MTCL1: variants seen among roughly 807,000 people sequenced by gnomAD.
MTCL1 encodes the protein microtubule cross-linking factor 1.
Under a neutral mutation model 141.4 loss-of-function variants are expected in MTCL1, and 79 were observed. The observed-to-expected ratio is 0.56, with a 90% CI of 0.47 to 0.67. The LOEUF (loss-of-function observed/expected upper bound fraction) is 0.67. Among genes scored for constraint, MTCL1 ranks in the 30% least tolerant of loss-of-function variants. The pLI is 0.00. For synonymous variants in MTCL1, 914 were observed against 875.8 expected, an observed-to-expected ratio of 1.04 and a Z score of -0.77; for missense variants, 2,177 against 2,113.9, an observed-to-expected ratio of 1.03 and a Z score of -0.59.
chr18:8,784,232 C>T lies in MTCL1; in HGVS notation c.1120C>T (p.His374Tyr). 1.2e-6 allele frequency: 2 copies of T among 1,609,336 alleles called. No homozygotes were observed. The highest frequency in any genetic ancestry group is 1.7e-6 in the Non-Finnish European group (2 of 1,176,454). Residue 374 changes from histidine (H) to tyrosine (Y), a missense_variant, in exon 6 of 17, where the codon CAC becomes TAC. By Grantham distance (83) the His-to-Tyr change is moderately conservative. Coordinates refer to ENST00000359865, the Ensembl canonical transcript of MTCL1. ...CATCCAGCGCTGCGACCTGGCAGCC[C>T]ACCTGGGGCTGCGTGCCCCCAGTCC...
intron 7 of MTCL1, among the ~76,000 whole-genome samples, chr18:8,788,334 T>A (rs1013295426): frequency 1.3e-5 from 2 of 151,840 alleles, no homozygotes; most frequent in African/African-American, 4.8e-5. Context: ...CCTTTAGCTC[T>A]CTGCCCGTAG....
intron 4 of MTCL1, among the ~76,000 whole-genome samples, chr18:8,727,895 C>CT (rs2096226722): frequency 7.0e-6 from 1 of 142,212 alleles, no homozygotes; most frequent in Admixed American, 7.2e-5. Flanking sequence ...TCCCTCCCTC[C>CT]CTCTCTCTCT....
At position 8,819,278 on chromosome 18, in the gene MTCL1, A is replaced by C. The variant is rs1469446575; in HGVS notation, c.3156+19A>C. ...CCCTGAGGTCAGCCAGGTTTTGTCC[A>C]TCCTAGTTAACCACTGTGGAATGAG... On this transcript the variant is annotated intron_variant, in intron 13 of 16. Transcript: ENST00000359865. The C allele has an allele frequency of 6.2e-7, 1 of 1,612,126 alleles. No homozygotes were observed. The highest frequency in any genetic ancestry group is 1.3e-5 in the African/African-American group (1 of 75,004).
At chr18:8,785,895 TA>T in intron 6 of MTCL1, 40 bp from the exon 6 acceptor site, 1 of 1,529,828 alleles carries the variant, frequency 6.5e-7, no homozygotes, top group Non-Finnish European at 8.8e-7. Flanking sequence ...TTTAAAATTT[TA>T]AAGAACAACA....
intron 4 of MTCL1, among the ~76,000 whole-genome samples, chr18:8,773,152 G>A (rs1310347330): frequency 6.6e-6 from 1 of 152,046 alleles, no homozygotes; most frequent in African/African-American, 2.4e-5. Flanking sequence ...ATAAATCTTG[G>A]TGCATGTCTC....
chr18:8,832,041 C>T, exon 17 of MTCL1: 1 of 571,468 alleles, frequency 1.7e-6, no homozygotes, highest in Non-Finnish European at 3.1e-6. Flanking sequence ...ATTTTTGTCT[C>T]CATCTTTTTT....
In MTCL1 at chr18:8,816,200, G is replaced by A. The variant is rs552634505; in HGVS notation, c.2860-2763G>A. Reference sequence around the variant, plus strand: ...CATTTAACTTTTAGCTACATACTCCGTAGATAAATGAGAGATGTAACTGAA... The same window carrying A: ...CATTTAACTTTTAGCTACATACTCCATAGATAAATGAGAGATGTAACTGAA... On this transcript the variant is annotated intron_variant, in intron 12 of 16. Transcript: ENST00000359865. Among the ~76,000 whole-genome samples the A allele has an allele frequency of 5.9e-5, 9 of 152,230 alleles. No individual in the cohort carries two copies. The South Asian group carries it at 8.3e-4, about 14-fold the overall frequency.
At chr18:8,785,858 C>CT in intron 6 of MTCL1, 78 bp from the exon 6 acceptor site, 1 of 1,509,280 alleles carries the variant, frequency 6.6e-7, no homozygotes, top group South Asian at 1.3e-5. Flanking sequence ...TGCCTCCACC[C>CT]TTGTCCTTTG....
intron 13 of MTCL1, among the ~76,000 whole-genome samples, chr18:8,821,234 G>C (rs1404160221): frequency 6.6e-6 from 1 of 152,134 alleles, no homozygotes; most frequent in Non-Finnish European, 1.5e-5. Flanking sequence ...CACTCATGTG[G>C]GCTTCTCCCT....
At position 8,828,145 on chromosome 18, in the gene MTCL1, T is replaced by C. The variant is rs1250342236; in HGVS notation, c.4723-763T>C. On this transcript the variant is annotated intron_variant, in intron 15 of 16. Coordinates refer to ENST00000359865, the Ensembl canonical transcript of MTCL1. This position sits in a 1 kb window ranked among gnomAD's most constrained non-coding sequence, Gnocchi z 5.2. The stretch of plus-strand genomic sequence containing the variant: ...AACCCCTTCCCATTGCTCCATGAAT[T>C]ATGCAGTAGTTCTCGGTATGCGTTC... Among the ~76,000 whole-genome samples the C allele has an allele frequency of 6.6e-6, 1 of 152,200 alleles. No individual in the cohort carries two copies. The highest frequency in any genetic ancestry group is 1.5e-5 in the Non-Finnish European group (1 of 68,026).
rs150423289 is a variant in MTCL1 at position 8,784,793 on chromosome 18, C to T, written c.1681C>T (p.Arg561Trp). ...CCTCTCCACTGTGACTTCCGTGTCC[C>T]GGGACTCCCCCATCGGGAACCTGGG... Residue 561 changes from arginine to tryptophan, a missense_variant, in exon 6 of 17, where the codon CGG (arginine) becomes TGG (tryptophan). Transcript: ENST00000359865. 3.3e-4 allele frequency: 532 copies of T among 1,610,920 alleles called. 1 individual carries two copies. The highest frequency in any genetic ancestry group is 1.2e-3 in the South Asian group (110 of 90,854).
chr18:8,756,405 GTGTGTATA>G (rs1166895050), intron 4 of MTCL1, among the ~76,000 whole-genome samples: 12 of 147,630 alleles, frequency 8.1e-5, no homozygotes, highest in Non-Finnish European at 1.2e-4. Flanking sequence ...ATGTATATAT[GTGTGTATA>G]TGTGTATATA....
At chr18:8,766,758 A>G (rs906846337) in intron 4 of MTCL1, among the ~76,000 whole-genome samples, 5 of 152,206 alleles carry the variant, frequency 3.3e-5, no homozygotes, top group Non-Finnish European at 7.3e-5. Flanking sequence ...AGGGCTGGGC[A>G]GGACAGAGCT....
chr18:8,770,640 T>G (rs2096481623), intron 4 of MTCL1, among the ~76,000 whole-genome samples: 1 of 152,068 alleles, frequency 6.6e-6, no homozygotes, highest in Non-Finnish European at 1.5e-5. Flanking sequence ...CATAGGAATT[T>G]GGGGAGACAC....
intron 7 of MTCL1, 35 bp downstream of exon 6, chr18:8,786,126 T>G (rs78974560): frequency 1.2e-4 from 63 of 519,344 alleles, no homozygotes; most frequent in Non-Finnish European, 1.8e-4. Context: ...CCCCCCGCCC[T>G]CCCCCTCCTT....
At chr18:8,752,079 G>A (rs950038970) in intron 4 of MTCL1, among the ~76,000 whole-genome samples, 1 of 152,170 alleles carries the variant, frequency 6.6e-6, no homozygotes, top group African/African-American at 2.4e-5. Context: ...AAGAAGGAGC[G>A]GGATGGAAAG....
rs1380475349 is a variant in MTCL1 at position 8,705,728 on chromosome 18, ACCACCG to A, written c.74_79del (p.Arg25_His26del). The stretch of plus-strand genomic sequence containing the variant: ...GCGAAGCTGCAGCCGCCCGGCCAGC[ACCACCG>A]CCACCACCACCTCCACCCGGTGGCC... On this transcript the variant is annotated inframe_deletion, in exon 1 of 14. Coordinates refer to the MTCL1 transcript ENST00000306329. The surrounding 1 kb of genome is among the most constrained non-coding windows in gnomAD (Gnocchi z 5.2). 2.7e-5 allele frequency: 33 copies of A among 1,204,576 alleles called. No homozygotes were observed. The Admixed American group carries it at 1.5e-3, about 53-fold the overall frequency. 74.6% of individuals were successfully genotyped at this position (1,204,576 alleles called of 1,614,324 possible). A position where few individuals can be genotyped will look rare whatever the true frequency, so the allele number is the denominator to read the frequency against.
At chr18:8,773,420 TTTA>T in intron 4 of MTCL1, among the ~76,000 whole-genome samples, 1 of 152,362 alleles carries the variant, frequency 6.6e-6, no homozygotes, top group East Asian at 1.9e-4. Context: ...GTTTGTTTAT[TTTA>T]TTAAGATGTG....
chr18:8,799,856 C>A (rs1366066585), intron 10 of MTCL1, among the ~76,000 whole-genome samples: 1 of 152,262 alleles, frequency 6.6e-6, no homozygotes. Flanking sequence ...TGGAACCTTA[C>A]ATTCAGCATA....
Sources: gnomAD v4.1 joint callset for allele counts (sites outside exome capture counted in the v4.1 genomes callset) on GRCh38, gnomAD v4.1.1 for gene constraint, Gnocchi (gnomAD v3.1) non-coding constraint, MANE v1.5 for transcripts, NCBI Gene and HGNC (gene_info 2026-07-23, HGNC 2026-07-21) for gene names.